The following FGF18 variants were observed in gnomAD, a reference collection of about 807,000 sequenced individuals.
FGF18 encodes fibroblast growth factor 18.
FGF18 carries 5 observed loss-of-function variants against 23.0 expected under a neutral mutation model. That is an observed-to-expected ratio of 0.22 (90% confidence interval 0.11 to 0.46). The LOEUF (loss-of-function observed/expected upper bound fraction) is 0.46. FGF18 is among the 20% of genes least tolerant of loss of function. The pLI is 0.99. For synonymous variants in FGF18, 117 were observed against 118.9 expected (o/e 0.98, Z 0.10); for missense variants, 180 against 291.6 (o/e 0.62, Z 2.79).
At chr5:171,429,241 G>A (rs1008999819) in intron 2 of FGF18, among the ~76,000 whole-genome samples, 12 of 152,226 alleles carry the variant, frequency 7.9e-5, no homozygotes, top group Non-Finnish European at 1.3e-4. Flanking sequence ...GGTTCAGATC[G>A]TGGCTCTTTC....
chr5:171,429,362 A>G (rs1278562237), intron 2 of FGF18, among the ~76,000 whole-genome samples: 1 of 152,252 alleles, frequency 6.6e-6, no homozygotes, highest in Non-Finnish European at 1.5e-5. Context: ...AGGAGCGGAC[A>G]TGGGCCCTGG....
Position 171,419,816 on chromosome 5 carries a change from G to C in FGF18, c.-384G>C, listed in dbSNP as rs1771970855. The C allele has an allele frequency of 3.9e-5, 6 of 151,920 alleles. No individual in the cohort carries two copies. The South Asian group carries it at 1.2e-3, about 31-fold the overall frequency. The allele number at this position is 151,920 out of a possible 1,614,324, so 9.4% of individuals were successfully genotyped here. Reference sequence around the variant, plus strand: ...GCGCCCGGGCCGGAGAGCGCAACTCGGCTTCCAGACCCGCCGCGCATGCTG... The same window carrying C: ...GCGCCCGGGCCGGAGAGCGCAACTCCGCTTCCAGACCCGCCGCGCATGCTG... On this transcript the variant is annotated 5_prime_UTR_variant, in exon 1 of 5. Coordinates refer to ENST00000274625, the MANE Select transcript of FGF18 (RefSeq NM_003862.3).
At chr5:171,455,702 A>C (rs1432453133) in intron 4 of FGF18, among the ~76,000 whole-genome samples, 4 of 152,236 alleles carry the variant, frequency 2.6e-5, no homozygotes, top group Non-Finnish European at 5.9e-5. Flanking sequence ...CCTCTGGTTT[A>C]AATCCACCTA....
Position 171,420,180 on chromosome 5 carries a change from C to T in FGF18, c.-20C>T, listed in dbSNP as rs749381798. On this transcript the variant is annotated 5_prime_UTR_variant, in exon 1 of 5. Transcript: ENST00000274625. ...ATGTGCAGGCTGGGCTAGGAGCCGCCGCCTCCCTCCCGCCCAGCGATGTAT... is the reference window on the plus strand; with the variant it reads ...ATGTGCAGGCTGGGCTAGGAGCCGCTGCCTCCCTCCCGCCCAGCGATGTAT... The T allele has an allele frequency of 1.2e-5, 18 of 1,538,152 alleles. No homozygotes were observed. Among genetic ancestry groups the T allele is most frequent in the Middle Eastern group, 1.7e-4 (1 of 5,924 alleles).
chr5:171,445,374 T>G (rs879810690), intron 3 of FGF18, among the ~76,000 whole-genome samples: 56 of 152,304 alleles, frequency 3.7e-4, no homozygotes, highest in Non-Finnish European at 5.9e-4. Context: ...TGTTGTATGT[T>G]TTGAGATGGA....
chr5:171,421,275 G>A (rs999765455), intron 2 of FGF18, among the ~76,000 whole-genome samples: 1 of 152,204 alleles, frequency 6.6e-6, no homozygotes, highest in Admixed American at 6.5e-5. Context: ...GAGCGAAAAA[G>A]GGAGCCGACT....
At position 171,456,556 on chromosome 5, in the gene FGF18, G is replaced by A. The variant is rs368196652; in HGVS notation, c.375G>A (p.Lys125=). 3 of 1,613,800 alleles carry A rather than the reference G, an allele frequency of 1.9e-6. No individual in the cohort carries two copies. The highest frequency in any genetic ancestry group is 2.5e-6 in the Non-Finnish European group (3 of 1,179,752). Residue 125 remains lysine (K), a synonymous_variant, in exon 5 of 5, where the codon AAG becomes AAA. Coordinates refer to ENST00000274625, the MANE Select transcript of FGF18 (RefSeq NM_003862.3). The surrounding 1 kb of genome is among the most constrained non-coding windows in gnomAD (Gnocchi z 6.1). ...KLVGKPDGTS[K]ECVFIEKVLE... ...CCCTGCAGCCCGATGGCACCAGCAA[G>A]GAGTGTGTGTTCATCGAGAAGGTTC... is the stretch of plus-strand genomic sequence containing the variant.
intron 2 of FGF18, among the ~76,000 whole-genome samples, chr5:171,425,938 G>A (rs1561884105): frequency 6.6e-6 from 1 of 152,158 alleles, no homozygotes; most frequent in African/African-American, 2.4e-5. Context: ...AGTAACCTGC[G>A]TTTGGTCACA....
intron 4 of FGF18, among the ~76,000 whole-genome samples, chr5:171,454,320 G>C (rs1234224000): frequency 6.6e-6 from 1 of 152,128 alleles, no homozygotes; most frequent in African/African-American, 2.4e-5. Flanking sequence ...TGTTCTGTTT[G>C]CTCCAACTAT....
rs1395117952 is a variant in FGF18, at chr5:171,451,407, C to A, written c.357+2154C>A. Among the ~76,000 whole-genome samples the A allele has an allele frequency of 1.3e-5, 2 of 152,208 alleles. No homozygotes were observed. The highest frequency in any genetic ancestry group is 6.5e-5 in the Admixed American group (1 of 15,290). On this transcript the variant is annotated intron_variant, in intron 4 of 4. Coordinates refer to ENST00000274625, the MANE Select transcript of FGF18 (RefSeq NM_003862.3). The surrounding 1 kb of genome is among the most constrained non-coding windows in gnomAD (Gnocchi z 4.5). The stretch of plus-strand genomic sequence containing the variant: ...TGGCCCCCGAGGCGGGAATCTGGCT[C>A]CTGGGCTGCGGTCCTCTCCACAGCC...
chr5:171,427,402 G>A (rs757188345), intron 2 of FGF18, among the ~76,000 whole-genome samples: 2 of 152,180 alleles, frequency 1.3e-5, no homozygotes, highest in Non-Finnish European at 2.9e-5. Context: ...TAGAAAGGAC[G>A]TGTTCCTTGG....
chr5:171,425,427 G>T (rs1772075305), intron 2 of FGF18, among the ~76,000 whole-genome samples: 1 of 151,944 alleles, frequency 6.6e-6, no homozygotes, highest in African/African-American at 2.4e-5. Flanking sequence ...CACCATGTTG[G>T]CCAGGCTGGT....
chr5:171,454,745 G>C (rs992085270), intron 4 of FGF18, among the ~76,000 whole-genome samples: 2 of 152,248 alleles, frequency 1.3e-5, no homozygotes, highest in Non-Finnish European at 2.9e-5. Flanking sequence ...AGACCGCTGG[G>C]CTTCCAGCTT....
chr5:171,448,000 G>A (rs1336110036), intron 3 of FGF18, among the ~76,000 whole-genome samples: 2 of 152,194 alleles, frequency 1.3e-5, no homozygotes, highest in Non-Finnish European at 2.9e-5. Context: ...AGGAGAGAGA[G>A]CTAAGAGAGG....
chr5:171,426,505 C>T (rs1321715978), intron 2 of FGF18, among the ~76,000 whole-genome samples: 4 of 152,236 alleles, frequency 2.6e-5, no homozygotes, highest in Non-Finnish European at 5.9e-5. Context: ...TATTCTGAAA[C>T]TGCAGCAGGT....
Position 171,440,358 on chromosome 5 carries a change from G to C in FGF18, c.250+4085G>C, listed in dbSNP as rs1581275528. On this transcript the variant is annotated intron_variant, in intron 3 of 4. Transcript: ENST00000274625. The surrounding 1 kb of genome is among the most constrained non-coding windows in gnomAD (Gnocchi z 4.0). ...GTCAGTGGGACCTGGCAGGTTAGAT[G>C]CAGGTAGAAGAGTCGTCCTCCCGTG... 6.6e-6 allele frequency among the ~76,000 whole-genome samples: 1 copy of C among 152,104 alleles called. No homozygotes were observed. Among genetic ancestry groups the C allele is most frequent in the Non-Finnish European group, 1.5e-5 (1 of 68,020 alleles).
rs376081797 is a variant in FGF18, at chr5:171,440,221, T to G, written c.250+3948T>G. On this transcript the variant is annotated intron_variant, in intron 3 of 4. Transcript: ENST00000274625. This position sits in a 1 kb window ranked among gnomAD's most constrained non-coding sequence, Gnocchi z 4.0. ...CACCACCTGACCTCCTTACTATGGG[T>G]GTGTGGGGGGGGGTGGTGCCATCGC... is the stretch of plus-strand genomic sequence containing the variant. 7.7e-3 allele frequency among the ~76,000 whole-genome samples: 951 copies of G among 122,730 alleles called. 12 individuals are homozygous for G. Among genetic ancestry groups the G allele is most frequent in the African/African-American group, 0.028 (892 of 31,900 alleles). The allele number at this position is 122,730 out of a possible 152,430, so 80.5% of individuals were successfully genotyped here.
chr5:171,423,869 A>G (rs1470786004), intron 2 of FGF18, among the ~76,000 whole-genome samples: 1 of 150,160 alleles, frequency 6.7e-6, no homozygotes, highest in African/African-American at 2.5e-5. Context: ...CCTGGGTTCA[A>G]GTCACTCTCC....
intron 2 of FGF18, among the ~76,000 whole-genome samples, chr5:171,428,795 G>A (rs527315507): frequency 1.3e-5 from 2 of 152,348 alleles, no homozygotes; most frequent in South Asian, 4.1e-4. Flanking sequence ...ACAGGGATCA[G>A]TGGGAAGAGG....
Sources: gnomAD v4.1 joint callset for allele counts (sites outside exome capture counted in the v4.1 genomes callset) on GRCh38, gnomAD v4.1.1 for gene constraint, Gnocchi (gnomAD v3.1) non-coding constraint, MANE v1.5 for transcripts, NCBI Gene and HGNC (gene_info 2026-07-23, HGNC 2026-07-21) for gene names.